The following CNTNAP3B variants were observed in gnomAD, a reference collection of about 807,000 sequenced individuals.
The protein encoded by CNTNAP3B is contactin-associated protein-like 3B.
In CNTNAP3B, 25 loss-of-function variants were observed where a neutral mutation model predicts 108.9. The ratio of observed to expected loss-of-function variants is 0.23; its 90% CI spans 0.17 to 0.32. The LOEUF (loss-of-function observed/expected upper bound fraction) is 0.32, where lower values mean the gene tolerates loss of function less well. Ranked by LOEUF, CNTNAP3B falls within the 10% of genes least tolerant of loss-of-function variation. CNTNAP3B has a pLI of 1.00. For missense variants in CNTNAP3B, 252 were observed against 1,210.4 expected, an observed-to-expected ratio of 0.21 and a Z score of 11.75; for synonymous variants, 103 against 473.4, an observed-to-expected ratio of 0.22 and a Z score of 10.16.
At chr9:41,961,134 G>T (rs1424949915) in intron 11 of CNTNAP3B, among the ~76,000 whole-genome samples, 1 of 152,310 alleles carries the variant, frequency 6.6e-6, no homozygotes, top group Non-Finnish European at 1.5e-5. Flanking sequence ...GTTGGATGTT[G>T]TTAGATGCTG....
chr9:41,938,651 G>A (rs1824233720), intron 13 of CNTNAP3B, among the ~76,000 whole-genome samples: 1 of 152,262 alleles, frequency 6.6e-6, no homozygotes, highest in African/African-American at 2.4e-5. Flanking sequence ...AAATCAGTCA[G>A]TTGCACGTGA....
At chr9:42,070,529 C>A (rs1340612873) in intron 3 of CNTNAP3B, among the ~76,000 whole-genome samples, 2 of 142,046 alleles carry the variant, frequency 1.4e-5, no homozygotes, top group African/African-American at 5.5e-5. Flanking sequence ...TGGCTCACAG[C>A]TTGGTAGCTA....
intron 9 of CNTNAP3B, among the ~76,000 whole-genome samples, chr9:41,972,935 T>A (rs1587164748): frequency 1.2e-5 from 1 of 80,974 alleles, no homozygotes; most frequent in African/African-American, 4.0e-5. Context: ...ACTTAGGTTA[T>A]CTTTTTTTTT....
intron 15 of CNTNAP3B, among the ~76,000 whole-genome samples, chr9:41,927,292 C>A (rs1281587378): frequency 1.5e-3 from 214 of 145,882 alleles, no homozygotes; most frequent in African/African-American, 5.2e-3. Flanking sequence ...AATTAAATGT[C>A]TGGACAGACC....
chr9:42,033,927 C>G, intron 3 of CNTNAP3B, among the ~76,000 whole-genome samples: 1 of 79,080 alleles, frequency 1.3e-5, no homozygotes, highest in Middle Eastern at 5.6e-3. Flanking sequence ...TACAATGATA[C>G]CTGGTAGAGA....
chr9:42,116,913 C>A lies in CNTNAP3B; in HGVS notation c.85+12097G>T, dbSNP rs1296954826. ...AAACAGACTTTAAACCAACAAAGAT[C>A]AAAAGAGACAAAGAAGGCCATTACA... On this transcript the variant is annotated intron_variant, in intron 1 of 23. Transcript: ENST00000377561. Among the ~76,000 whole-genome samples, 4 of 137,918 alleles carry A rather than the reference C, an allele frequency of 2.9e-5. 1 individual carries two copies. Among genetic ancestry groups the A allele is most frequent in the Non-Finnish European group, 6.2e-5 (4 of 64,632 alleles). 90.5% of individuals were successfully genotyped at this position (137,918 alleles called of 152,430 possible).
chr9:42,097,033 T>C (rs745921039), intron 2 of CNTNAP3B, among the ~76,000 whole-genome samples: 2 of 137,930 alleles, frequency 1.5e-5, no homozygotes, highest in Non-Finnish European at 3.1e-5. Context: ...ATTACAGGCG[T>C]GAACCACTGT....
At chr9:41,940,532 T>A (rs1217692688) in intron 13 of CNTNAP3B, among the ~76,000 whole-genome samples, 2 of 152,034 alleles carry the variant, frequency 1.3e-5, no homozygotes, top group Non-Finnish European at 2.9e-5. Flanking sequence ...AAATAAAATC[T>A]TTTTAGGCCG....
intron 1 of CNTNAP3B, among the ~76,000 whole-genome samples, chr9:42,112,357 G>A (rs1360927114): frequency 7.2e-6 from 1 of 139,500 alleles, no homozygotes; most frequent in Non-Finnish European, 1.5e-5. Flanking sequence ...AGAAGGAGCA[G>A]CACCTCACTC....
rs1378765766 is a variant in CNTNAP3B, at chr9:42,111,489, A to T, written c.86-6750T>A. 1.4e-5 allele frequency among the ~76,000 whole-genome samples: 2 copies of T among 138,510 alleles called. 1 individual carries two copies. Among genetic ancestry groups the T allele is most frequent in the Non-Finnish European group, 3.1e-5 (2 of 64,794 alleles). The allele number at this position is 138,510 out of a possible 152,430, so 90.9% of individuals were successfully genotyped here. A position where few individuals can be genotyped will look rare whatever the true frequency, so the allele number is the denominator to read the frequency against. On this transcript the variant is annotated intron_variant, in intron 1 of 23. Coordinates refer to ENST00000377561, the MANE Select transcript of CNTNAP3B (RefSeq NM_001201380.3). The stretch of plus-strand genomic sequence containing the variant: ...CCTAAGCTGGTAAACGGTATGCCTG[A>T]AGCTAAGGCATAGACAGAGCTGCCC...
intron 12 of CNTNAP3B, among the ~76,000 whole-genome samples, chr9:41,955,974 C>T (rs1288083205): frequency 6.6e-6 from 1 of 152,194 alleles, no homozygotes; most frequent in East Asian, 1.9e-4. Flanking sequence ...GTGCTCAGAA[C>T]ACTTAAATCA....
At position 42,056,330 on chromosome 9, in the gene CNTNAP3B, TTATTA is replaced by T. The variant is rs1587235420; in HGVS notation, c.390+20534_390+20538del. On this transcript the variant is annotated intron_variant, in intron 3 of 23. Coordinates refer to ENST00000377561, the MANE Select transcript of CNTNAP3B (RefSeq NM_001201380.3). ...GTTGAATATTATCTCATGAATTTTA[TTATTA>T]TTATTATTATTATTATTATTATTAT... Among the ~76,000 whole-genome samples the T allele has an allele frequency of 3.1e-3, 136 of 44,166 alleles. 9 individuals are homozygous for T. The highest frequency in any genetic ancestry group is 6.6e-3 in the African/African-American group (87 of 13,268). 29.0% of individuals were successfully genotyped at this position (44,166 alleles called of 152,430 possible).
At chr9:42,079,783 G>A (rs1318061800) in intron 2 of CNTNAP3B, among the ~76,000 whole-genome samples, 2 of 138,666 alleles carry the variant, frequency 1.4e-5, no homozygotes, top group African/African-American at 5.7e-5. Context: ...GCCTCCCAAA[G>A]TGCTGGGATT....
intron 2 of CNTNAP3B, among the ~76,000 whole-genome samples, chr9:42,082,917 C>T (rs75270498): frequency 2.7e-4 from 38 of 139,142 alleles, no homozygotes; most frequent in Non-Finnish European, 4.6e-4. Context: ...GATGAGAAAG[C>T]AAGATCCAAC....
At chr9:41,982,801 T>C (rs1371863510) in intron 9 of CNTNAP3B, among the ~76,000 whole-genome samples, 17 of 142,456 alleles carry the variant, frequency 1.2e-4, no homozygotes, top group African/African-American at 4.4e-4. Context: ...TCAACCTAAA[T>C]ACCCATCAAC....
chr9:42,128,215 T>C (rs759939133), intron 1 of CNTNAP3B, among the ~76,000 whole-genome samples: 1 of 140,258 alleles, frequency 7.1e-6, no homozygotes, highest in Admixed American at 7.1e-5. Context: ...GGGTACATTA[T>C]GTTTTGCTCA....
intron 14 of CNTNAP3B, among the ~76,000 whole-genome samples, chr9:41,931,077 C>T (rs1375898978): frequency 1.6e-3 from 240 of 152,278 alleles, no homozygotes; most frequent in African/African-American, 5.1e-3. Context: ...TTTAAATTGC[C>T]CAGTTCTCAA....
intron 12 of CNTNAP3B, among the ~76,000 whole-genome samples, chr9:41,954,341 A>C (rs1824791665): frequency 6.7e-6 from 1 of 149,900 alleles, no homozygotes; most frequent in Non-Finnish European, 1.5e-5. Flanking sequence ...CTTGGCTGCT[A>C]AATGGCTAAA....
intron 13 of CNTNAP3B, among the ~76,000 whole-genome samples, chr9:41,943,205 C>T (rs1236756555): frequency 3.3e-3 from 506 of 152,170 alleles, no homozygotes; most frequent in East Asian, 7.5e-3. Flanking sequence ...TCTTTGATGG[C>T]CTCATCAAAG....
Sources: gnomAD v4.1 joint callset for allele counts (sites outside exome capture counted in the v4.1 genomes callset) on GRCh38, gnomAD v4.1.1 for gene constraint, MANE v1.5 for transcripts, NCBI Gene and HGNC (gene_info 2026-07-23, HGNC 2026-07-21) for gene names.